Variants in ANGPTL2 observed in about 807,000 individuals in gnomAD.
The protein encoded by ANGPTL2 is angiopoietin like 2.
In ANGPTL2, 25 loss-of-function variants were observed where a neutral mutation model predicts 52.8. The ratio of observed to expected loss-of-function variants is 0.47; its 90% CI spans 0.35 to 0.66. ANGPTL2 has a LOEUF of 0.66. Ranked by LOEUF, ANGPTL2 falls within the 30% of genes least tolerant of loss-of-function variation. ANGPTL2 has a pLI of 0.01. For synonymous variants in ANGPTL2, 276 were observed against 277.4 expected (o/e 1.00, Z 0.05); for missense variants, 546 against 656.9 (o/e 0.83, Z 1.84).
At chr9:127,093,037 C>T (rs762058535) in intron 3 of ANGPTL2, among the ~76,000 whole-genome samples, 2 of 152,146 alleles carry the variant, frequency 1.3e-5, no homozygotes, top group Non-Finnish European at 2.9e-5. Context: ...AACAGAACCT[C>T]CCTCAGGAGG....
intron 3 of ANGPTL2, among the ~76,000 whole-genome samples, chr9:127,093,111 C>T (rs1016481810): frequency 5.3e-5 from 8 of 152,134 alleles, no homozygotes; most frequent in African/African-American, 1.7e-4. Flanking sequence ...ACGGGTTGGG[C>T]ACTCAGCAAA....
rs902323738 is a variant in ANGPTL2 at position 127,122,308 on chromosome 9, C to T, written c.-50+7G>A. The stretch of plus-strand genomic sequence containing the variant: ...TGCCTCTCATGGCCGCAGAGCTGGC[C>T]CCTTACCTCTTCCCTCCTGCTTGGC... On this transcript the variant is annotated splice_region_variant and intron_variant, in intron 1 of 4. Coordinates refer to ENST00000373425, the MANE Select transcript of ANGPTL2 (RefSeq NM_012098.3). The surrounding 1 kb of genome is among the most constrained non-coding windows in gnomAD (Gnocchi z 6.4). 6.6e-6 allele frequency: 1 copy of T among 152,496 alleles called. No homozygotes were observed. Among genetic ancestry groups the T allele is most frequent in the African/African-American group, 2.4e-5 (1 of 41,448 alleles). 9.4% of individuals were successfully genotyped at this position (152,496 alleles called of 1,614,324 possible).
intron 1 of ANGPTL2, among the ~76,000 whole-genome samples, chr9:127,115,128 G>A (rs552772848): frequency 6.6e-6 from 1 of 152,302 alleles, no homozygotes; most frequent in Admixed American, 6.5e-5. Context: ...AGCTCTATGA[G>A]TAGGGGACCA....
intron 2 of ANGPTL2, among the ~76,000 whole-genome samples, chr9:127,097,335 T>C (rs924581980): frequency 1.8e-4 from 27 of 152,252 alleles, no homozygotes; most frequent in African/African-American, 6.5e-4. Flanking sequence ...AGGTATCAAA[T>C]TGTGTAGAAA....
At chr9:127,119,290 C>T (rs569163644) in intron 1 of ANGPTL2, among the ~76,000 whole-genome samples, 18 of 152,282 alleles carry the variant, frequency 1.2e-4, no homozygotes, top group African/African-American at 3.4e-4. Context: ...GCAAGGGATG[C>T]GCTAAAGTTG....
intron 1 of ANGPTL2, among the ~76,000 whole-genome samples, chr9:127,115,841 C>A (rs952173408): frequency 6.6e-6 from 1 of 152,228 alleles, no homozygotes; most frequent in Admixed American, 6.5e-5. Context: ...GACACCCTCA[C>A]CTTGGAGAAC....
In ANGPTL2 at chr9:127,088,853, G is replaced by T; in HGVS notation, c.*86C>A. On this transcript the variant is annotated 3_prime_UTR_variant, in exon 5 of 5. Transcript: ENST00000373425. ...GTCCTCCCAGCCTCAGGATGAACTG[G>T]TGAGGAGTTGTTCTTTGTGCTGTGG... The T allele has an allele frequency of 2.0e-6, 3 of 1,490,962 alleles. No homozygotes were observed. The highest frequency in any genetic ancestry group is 1.7e-5 in the Admixed American group (1 of 58,858). The allele number at this position is 1,490,962 out of a possible 1,614,324, so 92.4% of individuals were successfully genotyped here.
chr9:127,107,871 C>T (rs2054371439), intron 2 of ANGPTL2, 44 bp downstream of exon 2: 1 of 1,503,274 alleles, frequency 6.7e-7, no homozygotes, highest in African/African-American at 1.4e-5. Flanking sequence ...AGCCTGGTGC[C>T]TGGCTCTGAG....
At position 127,107,928 on chromosome 9, in the gene ANGPTL2, G is replaced by A. The variant is rs758868654; in HGVS notation, c.804C>T (p.Thr268=). 8.5e-6 allele frequency: 13 copies of A among 1,531,790 alleles called. No homozygotes were observed. Among genetic ancestry groups the A allele is most frequent in the Admixed American group, 7.9e-5 (4 of 50,524 alleles). The allele number at this position is 1,531,790 out of a possible 1,614,324, so 94.9% of individuals were successfully genotyped here. Reference sequence around the variant, plus strand: ...AGAAGCACTTACCCGACGGCTTGTCGGTGGAAGATGGGAGGCTGGTGAGAG... The same window carrying A: ...AGAAGCACTTACCCGACGGCTTGTCAGTGGAAGATGGGAGGCTGGTGAGAG... ...MPTLTSLPSS[T]DKPSGPWRDC... is the part of the protein sequence containing the mutation. Residue 268 remains threonine, a synonymous_variant, in exon 2 of 5, where the codon ACC becomes ACT. Coordinates refer to ENST00000373425, the MANE Select transcript of ANGPTL2 (RefSeq NM_012098.3).
At chr9:127,107,658 A>C (rs2054349111) in intron 2 of ANGPTL2, among the ~76,000 whole-genome samples, 5 of 152,134 alleles carry the variant, frequency 3.3e-5, no homozygotes, top group Admixed American at 3.3e-4. Context: ...CCTGTCAGAA[A>C]CCAGAGAGTG....
chr9:127,104,445 A>G (rs1048733207), intron 2 of ANGPTL2, among the ~76,000 whole-genome samples: 5 of 152,364 alleles, frequency 3.3e-5, no homozygotes, highest in African/African-American at 1.2e-4. Context: ...TAATAGCAGC[A>G]GCAGGATAGG....
chr9:127,115,560 T>TA (rs2055319832), intron 1 of ANGPTL2, among the ~76,000 whole-genome samples: 1 of 152,254 alleles, frequency 6.6e-6, no homozygotes, highest in Non-Finnish European at 1.5e-5. Flanking sequence ...TTGTTCAAGA[T>TA]CACTTGGAAG....
rs1269648772 is a variant in ANGPTL2 at position 127,087,605 on chromosome 9, G to C, written c.*1334C>G. The C allele has an allele frequency of 6.6e-6, 1 of 152,430 alleles. No homozygotes were observed. Among genetic ancestry groups the C allele is most frequent in the African/African-American group, 2.4e-5 (1 of 41,418 alleles). The allele number at this position is 152,430 out of a possible 1,614,324, so 9.4% of individuals were successfully genotyped here. On this transcript the variant is annotated 3_prime_UTR_variant, in exon 5 of 5. Coordinates refer to ENST00000373425, the MANE Select transcript of ANGPTL2 (RefSeq NM_012098.3). ...TTGCCCCTTCTTGGCAATAGTCCCG[G>C]GAGTGCTGAGGCTGACACTTGGTGG...
intron 2 of ANGPTL2, among the ~76,000 whole-genome samples, chr9:127,096,727 A>G (rs1286598380): frequency 6.6e-6 from 1 of 152,170 alleles, no homozygotes; most frequent in Non-Finnish European, 1.5e-5. Flanking sequence ...AAATGCACAG[A>G]CTCACACAAT....
chr9:127,091,562 C>G lies in ANGPTL2; in HGVS notation c.1282+108G>C. On this transcript the variant is annotated intron_variant, in intron 4 of 4. Transcript: ENST00000373425. This position sits in a 1 kb window ranked among gnomAD's most constrained non-coding sequence, Gnocchi z 4.3. ...AGGGTCAGGCAGCTTGGCCCAGCTG[C>G]TTCTCACCCTGGGATCTTCCCGTTT... 1 of 1,458,950 alleles carries G rather than the reference C, an allele frequency of 6.9e-7. No individual in the cohort carries two copies. Among genetic ancestry groups the G allele is most frequent in the Non-Finnish European group, 9.2e-7 (1 of 1,085,026 alleles). 90.4% of individuals were successfully genotyped at this position (1,458,950 alleles called of 1,614,324 possible). A position where few individuals can be genotyped will look rare whatever the true frequency, so the allele number is the denominator to read the frequency against.
chr9:127,108,006 G>A lies in ANGPTL2; in HGVS notation c.726C>T (p.Ile242=). The A allele has an allele frequency of 6.3e-7, 1 of 1,599,916 alleles. No homozygotes were observed. Among genetic ancestry groups the A allele is most frequent in the Non-Finnish European group, 8.5e-7 (1 of 1,170,650 alleles). The stretch of plus-strand genomic sequence containing the variant: ...GCACCTTCAGGTTCTGGTCACTCTG[G>A]ATCTCGTTGGTAGAGATCTGGTTGA... ...RIINQISTNE[I]QSDQNLKVLP... Residue 242 remains isoleucine, a synonymous_variant, in exon 2 of 5, where the codon ATC becomes ATT. Transcript: ENST00000373425.
chr9:127,107,460 G>A (rs539246976), intron 2 of ANGPTL2, among the ~76,000 whole-genome samples: 1 of 152,212 alleles, frequency 6.6e-6, no homozygotes, highest in Non-Finnish European at 1.5e-5. Flanking sequence ...CCTACAATGT[G>A]TTTATCATAT....
chr9:127,108,888 T>C (rs955292653), intron 1 of ANGPTL2, 108 bp from the exon 2 acceptor site: 2 of 796,968 alleles, frequency 2.5e-6, no homozygotes, highest in Middle Eastern at 3.8e-4. Context: ...TTCCAAAAAC[T>C]CTGCTTCAGG....
chr9:127,121,947 C>T (rs1291790141), intron 1 of ANGPTL2, among the ~76,000 whole-genome samples: 1 of 152,234 alleles, frequency 6.6e-6, no homozygotes, highest in African/African-American at 2.4e-5. Flanking sequence ...CCCCTGCCTT[C>T]TGCAGCTCTT....
Sources: allele counts gnomAD v4.1 joint callset (sites outside exome capture counted in the v4.1 genomes callset), GRCh38; gene constraint gnomAD v4.1.1; non-coding constraint Gnocchi (gnomAD v3.1); transcripts MANE v1.5; gene names NCBI Gene and HGNC (gene_info 2026-07-23, HGNC 2026-07-21).